Variants in NUP214 observed in about 807,000 individuals in gnomAD.
NUP214 encodes nucleoporin 214, also known as nuclear pore complex protein Nup214.
Under a neutral mutation model 196.2 loss-of-function variants are expected in NUP214, and 79 were observed. The observed-to-expected ratio is 0.40, with a 90% CI of 0.34 to 0.49. The LOEUF (loss-of-function observed/expected upper bound fraction) is 0.49. Ranked by LOEUF, NUP214 falls within the 20% of genes least tolerant of loss-of-function variation. NUP214 has a pLI of 0.58. For missense variants in NUP214, 2,468 were observed against 2,539.0 expected (o/e 0.97, Z 0.60); for synonymous variants, 1,020 against 990.5 (o/e 1.03, Z -0.56).
chr9:131,146,081 G>C lies in NUP214; in HGVS notation c.1770-48G>C, dbSNP rs777459635. The C allele has an allele frequency of 3.9e-6, 6 of 1,553,788 alleles. No individual in the cohort carries two copies. In the East Asian group the frequency reaches 1.1e-4, roughly 29 times the overall value. On this transcript the variant is annotated intron_variant, in intron 12 of 35. Coordinates refer to ENST00000359428, the MANE Select transcript of NUP214 (RefSeq NM_005085.4). This position sits in a 1 kb window ranked among gnomAD's most constrained non-coding sequence, Gnocchi z 4.6. ...TGACATTGCTCATGCTAGTGTAAAAGAATCTTCTAGCAGGCTCTTCTGAGG... is the reference window on the plus strand; with the variant it reads ...TGACATTGCTCATGCTAGTGTAAAACAATCTTCTAGCAGGCTCTTCTGAGG...
chr9:131,223,070 ATTTT>A, intron 32 of NUP214, 140 bp downstream of exon 32: 1 of 662,526 alleles, frequency 1.5e-6, no homozygotes, highest in Middle Eastern at 4.3e-4. Flanking sequence ...CCTCCGCATT[ATTTT>A]TATATTTACT....
intron 10 of NUP214, 107 bp downstream of exon 10, chr9:131,139,514 T>C: frequency 6.7e-7 from 1 of 1,491,886 alleles, no homozygotes; most frequent in Non-Finnish European, 9.0e-7. Context: ...GCTGGGCACT[T>C]GTAGCTTCTG....
chr9:131,156,130 C>CTTTTTTTTTTTTTTTTTTTTTTTTTT (rs71389397), intron 17 of NUP214, among the ~76,000 whole-genome samples: 1 of 70,900 alleles, frequency 1.4e-5, no homozygotes, highest in African/African-American at 5.6e-5. Context: ...GTATTTCTGT[C>CTTTTTTTTTTTTTTTTTTTTTTTTTT]TTTTTTTTTT....
chr9:131,196,544 A>C (rs887153244), intron 28 of NUP214, among the ~76,000 whole-genome samples: 6 of 152,218 alleles, frequency 3.9e-5, no homozygotes, highest in Non-Finnish European at 5.9e-5. Flanking sequence ...TCTTTGTAAC[A>C]GCACAATGAA....
At chr9:131,152,331 A>G (rs138497189) in intron 17 of NUP214, among the ~76,000 whole-genome samples, 7,177 of 152,174 alleles carry the variant, frequency 0.047, 259 homozygotes, top group African/African-American at 0.1. Flanking sequence ...TGCCCAGCCC[A>G]GCTGGTCTTG....
At chr9:131,189,195 C>A in intron 26 of NUP214, 64 bp downstream of exon 26, 1 of 1,278,934 alleles carries the variant, frequency 7.8e-7, no homozygotes, top group Non-Finnish European at 1.1e-6. Context: ...GGTTATTGTT[C>A]TGGATCACTG....
intron 21 of NUP214, 22 bp downstream of exon 21, chr9:131,164,166 G>A: frequency 6.2e-7 from 1 of 1,609,374 alleles, no homozygotes; most frequent in Admixed American, 1.7e-5. Flanking sequence ...CAGTAACTGG[G>A]CCTGTACATA....
chr9:131,185,167 C>T (rs1216840245), intron 24 of NUP214, among the ~76,000 whole-genome samples: 1 of 152,212 alleles, frequency 6.6e-6, no homozygotes, highest in Non-Finnish European at 1.5e-5. Context: ...GCCTAGGTGA[C>T]ATTTTAATGC....
Position 131,223,727 on chromosome 9 carries a change from A to ATTTATTTTTTT in NUP214, c.5902+800_5902+801insATTTTTTTTTT. ...TTTTTTTATTTTTATTTATTTATTT[A>ATTTATTTTTTT]TTTTTTTTTTTTTTTTTTTTTTTTT... On this transcript the variant is annotated intron_variant, in intron 32 of 35. Coordinates refer to ENST00000359428, the MANE Select transcript of NUP214 (RefSeq NM_005085.4). Among the ~76,000 whole-genome samples the ATTTATTTTTTT allele has an allele frequency of 1.1e-3, 17 of 15,664 alleles. 2 individuals carry two copies. The highest frequency in any genetic ancestry group is 1.2e-3 in the African/African-American group (8 of 6,618). The allele number at this position is 15,664 out of a possible 152,430, so 10.3% of individuals were successfully genotyped here.
chr9:131,195,775 C>T lies in NUP214; in HGVS notation c.3721+481C>T, dbSNP rs142916376. 7.5e-3 allele frequency: 1,167 copies of T among 155,182 alleles called. 13 individuals carry two copies. The highest frequency in any genetic ancestry group is 0.027 in the African/African-American group (1,122 of 41,540). 9.6% of individuals were successfully genotyped at this position (155,182 alleles called of 1,614,324 possible). A position where few individuals can be genotyped will look rare whatever the true frequency, so the allele number is the denominator to read the frequency against. ...GCGCGGTGGCTCACGCCTATAATCC[C>T]AGCACTTTGGGAGGCCGAGGCAGGC... On this transcript the variant is annotated intron_variant, in intron 28 of 35. Coordinates refer to ENST00000359428, the MANE Select transcript of NUP214 (RefSeq NM_005085.4).
In NUP214 at chr9:131,228,351, C is replaced by T; in HGVS notation, c.6074+20C>T. On this transcript the variant is annotated intron_variant, in intron 33 of 35. Coordinates refer to ENST00000359428, the MANE Select transcript of NUP214 (RefSeq NM_005085.4). ...ATTCGGGTAAGCCCCCTGGGGAGGG[C>T]CCTTGGGAACCCACACGCCAGCCAA... 1 of 1,562,800 alleles carries T rather than the reference C, an allele frequency of 6.4e-7. No individual in the cohort carries two copies. The highest frequency in any genetic ancestry group is 8.6e-7 in the Non-Finnish European group (1 of 1,163,506).
At chr9:131,144,008 G>A (rs1390252694) in intron 11 of NUP214, among the ~76,000 whole-genome samples, 2 of 152,188 alleles carry the variant, frequency 1.3e-5, no homozygotes, top group African/African-American at 4.8e-5. Context: ...AAATGTTGCA[G>A]TGACTGAACT....
rs908701682 is a variant in NUP214, at chr9:131,162,144, A to G, written c.2541-847A>G. Among the ~76,000 whole-genome samples the G allele has an allele frequency of 2.6e-5, 4 of 152,194 alleles. No individual in the cohort carries two copies. The South Asian group carries it at 6.2e-4, about 24-fold the overall frequency. On this transcript the variant is annotated intron_variant, in intron 18 of 35. Coordinates refer to ENST00000359428, the MANE Select transcript of NUP214 (RefSeq NM_005085.4). The stretch of plus-strand genomic sequence containing the variant: ...TGTACAGCATGGTTTTGTACTGACT[A>G]CTATAGACAATTGTAACACAAATCA...
intron 18 of NUP214, among the ~76,000 whole-genome samples, chr9:131,162,214 C>T (rs183296648): frequency 6.6e-6 from 1 of 152,122 alleles, no homozygotes; most frequent in Admixed American, 6.5e-5. Flanking sequence ...ATAGGATCAT[C>T]GTTGTATATG....
rs1358544650 is a variant in NUP214, at chr9:131,144,275, T to A, written c.1295-5T>A. 21 of 1,607,464 alleles carry A rather than the reference T, an allele frequency of 1.3e-5. No homozygotes were observed. The highest frequency in any genetic ancestry group is 3.3e-5 in the South Asian group (3 of 90,768). ...ACATTTTCCTTCCTTTTTTTGTCAC[T>A]GCAGGAAGTACTCCCACTACCCCAA... On this transcript the variant is annotated splice_polypyrimidine_tract_variant and splice_region_variant and intron_variant, in intron 11 of 35. Transcript: ENST00000359428.
chr9:131,145,992 T>G, intron 12 of NUP214, 137 bp from the exon 13 acceptor site: 2 of 807,010 alleles, frequency 2.5e-6, no homozygotes, highest in Non-Finnish European at 3.9e-6. Context: ...CATTTTTGTT[T>G]CCTGAAGGCA....
At chr9:131,195,733 A>G (rs531210379) in intron 28 of NUP214, 1 of 161,556 alleles carries the variant, frequency 6.2e-6, no homozygotes, top group Non-Finnish European at 1.3e-5. Flanking sequence ...GTTGTTAAAA[A>G]TCCATCAATA....
In NUP214 at chr9:131,147,492, C is replaced by T. The variant is rs1482928471; in HGVS notation, c.1948C>T (p.Arg650Ter). Residue 650 changes from arginine to a stop codon, truncating the protein, a stop_gained and splice_region_variant, in exon 14 of 36, where the codon CGA becomes TGA. Coordinates refer to ENST00000359428, the MANE Select transcript of NUP214 (RefSeq NM_005085.4). LOFTEE classifies it high-confidence loss of function. The stretch of plus-strand genomic sequence containing the variant: ...TAACTGACTTCTTTTTCAAGCAGGA[C>T]GATCTGCTCAGGGCAGTTCAAGCCC... ...KSSVLPSPSG[R>*]SAQGSSSPVP... 19 of 1,606,616 alleles carry T rather than the reference C, an allele frequency of 1.2e-5. No homozygotes were observed. The highest frequency in any genetic ancestry group is 1.6e-5 in the Non-Finnish European group (19 of 1,177,084).
At chr9:131,228,424 G>A in intron 33 of NUP214, 93 bp downstream of exon 33, 1 of 1,265,004 alleles carries the variant, frequency 7.9e-7, no homozygotes, top group Non-Finnish European at 1.1e-6. Flanking sequence ...ATTTGACCAT[G>A]AGGTGAAGGC....
Sources: allele counts gnomAD v4.1 joint callset (sites outside exome capture counted in the v4.1 genomes callset), GRCh38; gene constraint gnomAD v4.1.1; non-coding constraint Gnocchi (gnomAD v3.1); transcripts MANE v1.5; gene names NCBI Gene and HGNC (gene_info 2026-07-23, HGNC 2026-07-21).